TMEM26: variants seen among roughly 807,000 people sequenced by gnomAD.
TMEM26 encodes the protein transmembrane protein 26.
TMEM26 carries 38 observed loss-of-function variants against 28.8 expected under a neutral mutation model. That is an observed-to-expected ratio of 1.32 (90% confidence interval 1.02 to 1.73). The LOEUF (loss-of-function observed/expected upper bound fraction) is 1.73, where lower values mean the gene tolerates loss of function less well. Among genes scored for constraint, TMEM26 ranks in the 40% most tolerant of loss-of-function variants. TMEM26 has a pLI of 0.00. For synonymous variants in TMEM26, 227 were observed against 182.9 expected (o/e 1.24, Z -1.95); for missense variants, 518 against 447.1 (o/e 1.16, Z -1.43).
chr10:61,437,578 G>A (rs1840028443), intron 1 of TMEM26, among the ~76,000 whole-genome samples: 2 of 152,176 alleles, frequency 1.3e-5, no homozygotes, highest in South Asian at 4.1e-4. Flanking sequence ...GAGGTTAGGA[G>A]TTTGAGACCA....
At chr10:61,417,286 CT>C (rs1839668688) in intron 4 of TMEM26, among the ~76,000 whole-genome samples, 1 of 151,860 alleles carries the variant, frequency 6.6e-6, no homozygotes, top group East Asian at 1.9e-4. Flanking sequence ...ATTAGTATCA[CT>C]TTTCTATTTG....
At chr10:61,435,899 G>A (rs1401629323) in intron 2 of TMEM26, among the ~76,000 whole-genome samples, 2 of 152,086 alleles carry the variant, frequency 1.3e-5, no homozygotes, top group African/African-American at 2.4e-5. Context: ...GTAGGGTGGG[G>A]GACAGGGGAA....
chr10:61,446,025 A>G (rs1840174474), intron 1 of TMEM26, among the ~76,000 whole-genome samples: 1 of 152,156 alleles, frequency 6.6e-6, no homozygotes, highest in African/African-American at 2.4e-5. Context: ...ATATATCAGT[A>G]AACTTAATTT....
Position 61,410,603 on chromosome 10 carries a change from T to C in TMEM26, c.826A>G (p.Met276Val), listed in dbSNP as rs752326355. ...TGATTGATCACTTTGAAATAGGTCA[T>C]CAGTATGAGACGCACGACAAGGAAG... ...GPFLVVRLILMTYFKVINQML... is the reference protein window; with the variant it reads ...GPFLVVRLILVTYFKVINQML... Residue 276 changes from methionine (M) to valine (V), a missense_variant, in exon 6 of 6, where the codon ATG becomes GTG. Coordinates refer to ENST00000399298, the MANE Select transcript of TMEM26 (RefSeq NM_178505.8). The C allele has an allele frequency of 1.2e-6, 2 of 1,614,032 alleles. No homozygotes were observed. Among genetic ancestry groups the C allele is most frequent in the Non-Finnish European group, 1.7e-6 (2 of 1,180,010 alleles).
rs144195944 is a variant in TMEM26 at position 61,440,806 on chromosome 10, C to T, written c.192-4558G>A. On this transcript the variant is annotated intron_variant, in intron 1 of 5. Coordinates refer to ENST00000399298, the MANE Select transcript of TMEM26 (RefSeq NM_178505.8). ...ATTCTAAATAACGCAAGCACCAGAACTGTGCCTGTCTGCTCAAAAGTGCAG... is the reference window on the plus strand; with the variant it reads ...ATTCTAAATAACGCAAGCACCAGAATTGTGCCTGTCTGCTCAAAAGTGCAG... Among the ~76,000 whole-genome samples the T allele has an allele frequency of 4.6e-5, 7 of 152,288 alleles. No homozygotes were observed. The East Asian group carries it at 1.4e-3, about 29-fold the overall frequency.
In TMEM26 at chr10:61,431,340, T is replaced by TG. The variant is rs1839919527; in HGVS notation, c.271-9dup. 6.2e-7 allele frequency: 1 copy of TG among 1,610,850 alleles called. No homozygotes were observed. The highest frequency in any genetic ancestry group is 1.3e-5 in the African/African-American group (1 of 74,796). ...AGCCTGGATACTGCAATACTAAGAA[T>TG]GGGGTCAGGGAAGGCAATTATGGCA... On this transcript the variant is annotated splice_polypyrimidine_tract_variant and intron_variant, in intron 2 of 5. Transcript: ENST00000399298.
At chr10:61,435,331 C>T (rs1839986148) in intron 2 of TMEM26, among the ~76,000 whole-genome samples, 1 of 152,158 alleles carries the variant, frequency 6.6e-6, no homozygotes, top group Non-Finnish European at 1.5e-5. Flanking sequence ...CACAAGCATG[C>T]CACCACGCCC....
At chr10:61,431,173 T>C (rs1332649824) in intron 3 of TMEM26, 46 bp downstream of exon 3, 1 of 1,487,878 alleles carries the variant, frequency 6.7e-7, no homozygotes. Context: ...TTATACCAAG[T>C]CCACCATTTT....
intron 1 of TMEM26, among the ~76,000 whole-genome samples, chr10:61,448,594 G>A (rs184378677): frequency 4.1e-4 from 62 of 150,746 alleles, no homozygotes; most frequent in African/African-American, 1.3e-3. Context: ...TTAAAATGTC[G>A]ACCGTGTTTG....
At chr10:61,434,818 G>A (rs74813029) in intron 2 of TMEM26, among the ~76,000 whole-genome samples, 25,061 of 152,060 alleles carry the variant, frequency 0.16, 2,182 homozygotes, top group Middle Eastern at 0.3. Flanking sequence ...TACAGATAAG[G>A]TTATATATTG....
intron 1 of TMEM26, among the ~76,000 whole-genome samples, chr10:61,439,107 C>G (rs950266783): frequency 1.3e-5 from 2 of 152,132 alleles, no homozygotes; most frequent in African/African-American, 4.8e-5. Context: ...GCAAATATCT[C>G]CCAAAATTAT....
At chr10:61,432,582 A>G (rs897811289) in intron 2 of TMEM26, among the ~76,000 whole-genome samples, 1 of 152,106 alleles carries the variant, frequency 6.6e-6, no homozygotes. Flanking sequence ...ACACATACAC[A>G]TGCTCCACCA....
Position 61,439,075 on chromosome 10 carries a change from G to A in TMEM26, c.192-2827C>T, listed in dbSNP as rs78449404. 3.2e-3 allele frequency among the ~76,000 whole-genome samples: 491 copies of A among 152,244 alleles called. 3 individuals carry two copies. Among genetic ancestry groups the A allele is most frequent in the African/African-American group, 0.011 (471 of 41,546 alleles). On this transcript the variant is annotated intron_variant, in intron 1 of 5. Coordinates refer to ENST00000399298, the MANE Select transcript of TMEM26 (RefSeq NM_178505.8). ...TTTTAGTTTGGTTAATCTAAGGAGC[G>A]AGGTTCTGCAATGGTTTTACAGCAA...
intron 1 of TMEM26, among the ~76,000 whole-genome samples, chr10:61,444,942 C>A (rs527681973): frequency 1.6e-4 from 24 of 152,242 alleles, no homozygotes; most frequent in African/African-American, 5.8e-4. Flanking sequence ...ATGCCAATGC[C>A]TGGCTCAATA....
chr10:61,426,034 T>C (rs1047129095), intron 4 of TMEM26, among the ~76,000 whole-genome samples: 1 of 152,104 alleles, frequency 6.6e-6, no homozygotes, highest in Non-Finnish European at 1.5e-5. Flanking sequence ...CTGGAAGTTA[T>C]CCACATGTAC....
At chr10:61,425,919 C>G (rs913319797) in intron 4 of TMEM26, among the ~76,000 whole-genome samples, 1 of 152,032 alleles carries the variant, frequency 6.6e-6, no homozygotes, top group African/African-American at 2.4e-5. Flanking sequence ...TAACATATAA[C>G]CAGCCATTCC....
intron 1 of TMEM26, among the ~76,000 whole-genome samples, chr10:61,447,148 T>A (rs1297060955): frequency 6.6e-6 from 1 of 152,154 alleles, no homozygotes; most frequent in Admixed American, 6.5e-5. Context: ...CATATGGAAG[T>A]CACAGGGTCT....
chr10:61,453,283 AAG>A lies in TMEM26; in HGVS notation c.-204_-203del. On this transcript the variant is annotated 5_prime_UTR_variant, in exon 1 of 6. Coordinates refer to ENST00000399298, the MANE Select transcript of TMEM26 (RefSeq NM_178505.8). ...CCCCAAACTTCCTGAGAACTCTTCA[AAG>A]AGGGGTGAGTCCAAACCCAGCTTTT... 1 of 590,666 alleles carries A rather than the reference AAG, an allele frequency of 1.7e-6. No homozygotes were observed. Among genetic ancestry groups the A allele is most frequent in the South Asian group, 2.1e-5 (1 of 48,568 alleles). The allele number at this position is 590,666 out of a possible 1,614,324, so 36.6% of individuals were successfully genotyped here.
intron 1 of TMEM26, among the ~76,000 whole-genome samples, chr10:61,446,780 C>T (rs553540653): frequency 3.9e-5 from 5 of 128,858 alleles, no homozygotes; most frequent in Admixed American, 1.9e-4. Context: ...GATCGCGCCA[C>T]GGCACTCCAG....
Sources: gnomAD v4.1 joint callset for allele counts (sites outside exome capture counted in the v4.1 genomes callset) on GRCh38, gnomAD v4.1.1 for gene constraint, MANE v1.5 for transcripts, NCBI Gene and HGNC (gene_info 2026-07-23, HGNC 2026-07-21) for gene names.